CDK5RAP2: variants seen among roughly 807,000 people sequenced by gnomAD.
CDK5RAP2 encodes CDK5 regulatory subunit-associated protein 2.
Under a neutral mutation model 232.9 loss-of-function variants are expected in CDK5RAP2, and 147 were observed. The observed-to-expected ratio is 0.63, with a 90% CI of 0.55 to 0.72. The LOEUF is 0.72. CDK5RAP2 is among the 30% of genes least tolerant of loss of function. The pLI is 0.00. For missense variants in CDK5RAP2, 2,195 were observed against 2,231.5 expected, an observed-to-expected ratio of 0.98 and a Z score of 0.33; for synonymous variants, 833 against 833.7, an observed-to-expected ratio of 1.00 and a Z score of 0.01.
chr9:120,481,304 T>C (rs1491002585), intron 14 of CDK5RAP2, among the ~76,000 whole-genome samples: 1 of 152,106 alleles, frequency 6.6e-6, no homozygotes, highest in Non-Finnish European at 1.5e-5. Flanking sequence ...ATCTGGGTGC[T>C]TGGCAAGGGT....
intron 3 of CDK5RAP2, among the ~76,000 whole-genome samples, chr9:120,553,383 T>C (rs1041430435): frequency 1.3e-5 from 2 of 152,236 alleles, no homozygotes; most frequent in Admixed American, 1.3e-4. Flanking sequence ...TATGCTTCTA[T>C]CACCATGTTT....
intron 10 of CDK5RAP2, 101 bp downstream of exon 10, chr9:120,527,705 T>C (rs926293585): frequency 9.7e-6 from 13 of 1,341,594 alleles, no homozygotes; most frequent in African/African-American, 4.4e-5. Context: ...CTACCTCAGC[T>C]CTCTTATAAA....
intron 36 of CDK5RAP2, among the ~76,000 whole-genome samples, chr9:120,390,861 C>T (rs1380351122): frequency 1.3e-5 from 2 of 152,140 alleles, no homozygotes; most frequent in Non-Finnish European, 2.9e-5. Flanking sequence ...TCTTGCCTCA[C>T]GAAAATTTCC....
At chr9:120,537,420 G>C (rs1156824594) in intron 6 of CDK5RAP2, among the ~76,000 whole-genome samples, 1 of 151,990 alleles carries the variant, frequency 6.6e-6, no homozygotes, top group African/African-American at 2.4e-5. Flanking sequence ...TCCCCAAGGG[G>C]CTTCCTGTCA....
intron 18 of CDK5RAP2, among the ~76,000 whole-genome samples, chr9:120,462,232 G>C (rs1052338946): frequency 1.3e-5 from 2 of 152,094 alleles, no homozygotes; most frequent in Admixed American, 6.5e-5. Context: ...ACCTACTGAA[G>C]CATAAAAGTC....
intron 25 of CDK5RAP2, among the ~76,000 whole-genome samples, chr9:120,432,331 T>C (rs1291024862): frequency 1.3e-5 from 2 of 152,220 alleles, no homozygotes; most frequent in African/African-American, 4.8e-5. Context: ...GGTCTGGGCA[T>C]ATATACTCCA....
intron 21 of CDK5RAP2, among the ~76,000 whole-genome samples, chr9:120,449,951 T>C (rs1387564357): frequency 6.6e-6 from 1 of 152,166 alleles, no homozygotes; most frequent in African/African-American, 2.4e-5. Flanking sequence ...TAGAAAACAG[T>C]CTGGCAGTTC....
intron 25 of CDK5RAP2, among the ~76,000 whole-genome samples, chr9:120,431,891 G>C (rs2035304952): frequency 6.6e-6 from 1 of 152,182 alleles, no homozygotes; most frequent in Admixed American, 6.5e-5. Context: ...ACCAGTTCCT[G>C]ATCTATTTTG....
chr9:120,514,250 G>A (rs1024305004), intron 12 of CDK5RAP2, among the ~76,000 whole-genome samples: 2 of 152,170 alleles, frequency 1.3e-5, no homozygotes, highest in Non-Finnish European at 2.9e-5. Context: ...ACAGCACTTA[G>A]AGTATACAGC....
intron 9 of CDK5RAP2, 88 bp from the exon 10 acceptor site, chr9:120,528,013 C>A (rs747292587): frequency 5.7e-5 from 85 of 1,502,746 alleles, no homozygotes; most frequent in Non-Finnish European, 7.2e-5. Flanking sequence ...CACTCAAATG[C>A]AGTTATTCTA....
intron 14 of CDK5RAP2, among the ~76,000 whole-genome samples, chr9:120,486,245 T>A (rs2038595603): frequency 6.6e-6 from 1 of 152,128 alleles, no homozygotes. Flanking sequence ...GCCCGAGTCT[T>A]TTCTGAAGGC....
intron 12 of CDK5RAP2, among the ~76,000 whole-genome samples, chr9:120,492,288 T>C (rs954746602): frequency 6.6e-6 from 1 of 152,306 alleles, no homozygotes; most frequent in Non-Finnish European, 1.5e-5. Flanking sequence ...ACTCTTTCTC[T>C]CTATAAATAT....
chr9:120,518,444 C>T lies in CDK5RAP2; in HGVS notation c.1294G>A (p.Gly432Arg), dbSNP rs886063399. The T allele has an allele frequency of 6.2e-7, 1 of 1,613,670 alleles. No homozygotes were observed. The highest frequency in any genetic ancestry group is 8.5e-7 in the Non-Finnish European group (1 of 1,179,978). The stretch of plus-strand genomic sequence containing the variant: ...GTACTCACACGGATGGTGCAGTCTC[C>T]TTTGCTCTTCTCTCGATGGGCTTCC... ...LEEAHREKSK[G>R]DCTIRDLRNE... The change falls in exon 12 of 38, where the codon GGA becomes AGA. Residue 432 changes from glycine to arginine, a missense_variant. Physicochemically the swap from Gly to Arg is moderately radical, Grantham distance 125. Transcript: ENST00000349780.
At chr9:120,401,610 C>CAAAAA (rs142588120) in intron 34 of CDK5RAP2, among the ~76,000 whole-genome samples, 6 of 61,474 alleles carry the variant, frequency 9.8e-5, no homozygotes, top group African/African-American at 2.4e-4. Context: ...GACCCTGTCT[C>CAAAAA]AAAAAAAAAA....
At chr9:120,576,978 T>C (rs367634841) in intron 1 of CDK5RAP2, among the ~76,000 whole-genome samples, 46 of 152,232 alleles carry the variant, frequency 3.0e-4, no homozygotes, top group African/African-American at 1.1e-3. Flanking sequence ...CGCATGAACC[T>C]TGAGGACATA....
rs2034126263 is a variant in CDK5RAP2, at chr9:120,415,057, C to G, written c.4280G>C (p.Gly1427Ala). The G allele has an allele frequency of 2.5e-6, 4 of 1,614,184 alleles. No individual in the cohort carries two copies. Among genetic ancestry groups the G allele is most frequent in the Non-Finnish European group, 3.4e-6 (4 of 1,180,022 alleles). Residue 1427 changes from glycine to alanine, a missense_variant, in exon 28 of 38, where the codon GGA (glycine) becomes GCA (alanine). Physicochemically the swap from Gly to Ala is moderately conservative, Grantham distance 60. Coordinates refer to ENST00000349780, the MANE Select transcript of CDK5RAP2 (RefSeq NM_018249.6). ...TTCCTTACCTTGAACAAATTCAGAT[C>G]CTTGCCGTTCCAACTGTTTCCGTAG... is the stretch of plus-strand genomic sequence containing the variant. ...EKLRKQLERQGSEFVQGSTSI... is the reference protein window; with the variant it reads ...EKLRKQLERQASEFVQGSTSI...
intron 20 of CDK5RAP2, among the ~76,000 whole-genome samples, chr9:120,455,370 T>TAAA (rs77949035): frequency 9.6e-5 from 9 of 94,174 alleles, no homozygotes; most frequent in African/African-American, 1.1e-4. Flanking sequence ...TACAACACGT[T>TAAA]AAAAAAAAAA....
intron 6 of CDK5RAP2, among the ~76,000 whole-genome samples, chr9:120,536,971 C>T (rs1447572983): frequency 7.0e-6 from 1 of 142,846 alleles, no homozygotes; most frequent in Non-Finnish European, 1.5e-5. Flanking sequence ...CAAGGTGATT[C>T]AGTTGGGAAA....
Position 120,404,079 on chromosome 9 carries a change from T to C in CDK5RAP2, c.4998A>G (p.Ser1666=), listed in dbSNP as rs906041807. The part of the protein sequence containing the change: ...GDKYPMESDN[S]FDLFDSSQAV... ...CCTGGGAGGAATCAAACAGATCAAA[T>C]GAATTATCACTTTCCATGGGATATT... is the stretch of plus-strand genomic sequence containing the variant. The change falls in exon 33 of 38, where the codon TCA becomes TCG. Residue 1666 remains serine, a synonymous_variant. Coordinates refer to ENST00000349780, the MANE Select transcript of CDK5RAP2 (RefSeq NM_018249.6). The C allele has an allele frequency of 5.0e-6, 8 of 1,613,616 alleles. No individual in the cohort carries two copies. The highest frequency in any genetic ancestry group is 6.8e-6 in the Non-Finnish European group (8 of 1,179,566).
Sources: allele counts gnomAD v4.1 joint callset (sites outside exome capture counted in the v4.1 genomes callset), GRCh38; gene constraint gnomAD v4.1.1; transcripts MANE v1.5; gene names NCBI Gene and HGNC (gene_info 2026-07-23, HGNC 2026-07-21).